NDST4: variants seen among roughly 807,000 people sequenced by gnomAD.
NDST4 encodes N-deacetylase and N-sulfotransferase 4.
A neutral mutation model predicts 100.8 loss-of-function variants in NDST4; 63 were observed. The ratio of observed to expected loss-of-function variants is 0.62; its 90% CI spans 0.51 to 0.77. The LOEUF (loss-of-function observed/expected upper bound fraction) is 0.77. Ranked by LOEUF, NDST4 falls within the 30% of genes least tolerant of loss-of-function variation. The pLI is 0.00. For synonymous variants in NDST4, 377 were observed against 361.8 expected (o/e 1.04, Z -0.48); for missense variants, 943 against 1,018.4 (o/e 0.93, Z 1.01).
At chr4:115,046,409 A>G (rs1033051036) in intron 2 of NDST4, among the ~76,000 whole-genome samples, 3 of 152,190 alleles carry the variant, frequency 2.0e-5, no homozygotes, top group African/African-American at 7.2e-5. Context: ...GCCTGTATTC[A>G]TGGCAGTCTT....
At chr4:115,093,266 GA>G (rs1729554199) in intron 1 of NDST4, among the ~76,000 whole-genome samples, 2 of 152,056 alleles carry the variant, frequency 1.3e-5, no homozygotes. Context: ...ATGAGGTCAG[GA>G]GATCGAGACT....
At chr4:115,075,092 T>C (rs1277384100) in intron 2 of NDST4, among the ~76,000 whole-genome samples, 1 of 152,136 alleles carries the variant, frequency 6.6e-6, no homozygotes, top group Admixed American at 6.6e-5. Context: ...ATTCAGTCAA[T>C]TGATCAAAAC....
intron 5 of NDST4, 135 bp downstream of exon 5, chr4:114,937,183 A>G (rs1284568561): frequency 2.2e-6 from 2 of 909,022 alleles, no homozygotes; most frequent in African/African-American, 1.6e-5. Context: ...ACCAGTCACC[A>G]TTGAGATATG....
chr4:115,081,701 C>T (rs61670835), intron 1 of NDST4, among the ~76,000 whole-genome samples: 4,202 of 152,206 alleles, frequency 0.028, 196 homozygotes, highest in African/African-American at 0.097. Context: ...TTTAAGTAGT[C>T]TAAGGTGATA....
At chr4:114,978,359 A>G (rs893362674) in intron 2 of NDST4, among the ~76,000 whole-genome samples, 4 of 151,996 alleles carry the variant, frequency 2.6e-5, no homozygotes, top group Non-Finnish European at 5.9e-5. Context: ...CAATGAAAGG[A>G]GTCTCCTGTA....
chr4:114,846,312 C>T (rs1043017889), intron 9 of NDST4, among the ~76,000 whole-genome samples: 1 of 152,090 alleles, frequency 6.6e-6, no homozygotes, highest in African/African-American at 2.4e-5. Flanking sequence ...TACTATTTGC[C>T]TGTGGCAAAT....
intron 2 of NDST4, among the ~76,000 whole-genome samples, chr4:115,042,279 A>G (rs538020926): frequency 1.1e-3 from 162 of 152,188 alleles, no homozygotes; most frequent in African/African-American, 3.9e-3. Context: ...TTTGGCCATC[A>G]ATGTCATCAG....
rs143203284 is a variant in NDST4, at chr4:114,894,511, C to A, written c.1537-23561G>T. ...ATTCTCTTTGTAGCAATTGTGAATG[C>A]GAGTTCATTCAAGATTTTGCTCTCT... On this transcript the variant is annotated intron_variant, in intron 6 of 13. Coordinates refer to ENST00000264363, the MANE Select transcript of NDST4 (RefSeq NM_022569.3). 1.1e-3 allele frequency among the ~76,000 whole-genome samples: 164 copies of A among 152,006 alleles called. 2 individuals carry two copies. Among genetic ancestry groups the A allele is most frequent in the African/African-American group, 3.6e-3 (151 of 41,500 alleles).
At chr4:114,892,524 T>A (rs942701825) in intron 6 of NDST4, among the ~76,000 whole-genome samples, 3 of 152,132 alleles carry the variant, frequency 2.0e-5, no homozygotes, top group Non-Finnish European at 4.4e-5. Context: ...CAAAGATGTC[T>A]TATTTCACAT....
At chr4:115,005,159 A>G (rs948702503) in intron 2 of NDST4, among the ~76,000 whole-genome samples, 2 of 152,200 alleles carry the variant, frequency 1.3e-5, no homozygotes, top group African/African-American at 4.8e-5. Context: ...TGTTTGCTAA[A>G]TATTTTTGAG....
rs185873845 is a variant in NDST4, at chr4:114,885,316, C to A, written c.1537-14366G>T. Among the ~76,000 whole-genome samples the A allele has an allele frequency of 2.9e-4, 44 of 152,200 alleles. 2 individuals are homozygous for A. The East Asian group carries it at 8.3e-3, about 29-fold the overall frequency. On this transcript the variant is annotated intron_variant, in intron 6 of 13. Coordinates refer to ENST00000264363, the MANE Select transcript of NDST4 (RefSeq NM_022569.3). ...GTCACATGCTGACAGTCTACCATTACAGATTATAGTCTGCTATTATAGATT... is the reference window on the plus strand; with the variant it reads ...GTCACATGCTGACAGTCTACCATTAAAGATTATAGTCTGCTATTATAGATT...
intron 6 of NDST4, among the ~76,000 whole-genome samples, chr4:114,921,620 A>T (rs140376732): frequency 3.9e-5 from 6 of 152,262 alleles, no homozygotes; most frequent in Admixed American, 1.3e-4. Context: ...TGTGTAAAAC[A>T]GTAAGAGAAC....
intron 6 of NDST4, among the ~76,000 whole-genome samples, chr4:114,929,093 C>CATCT (rs1725450241): frequency 9.2e-6 from 1 of 108,400 alleles, no homozygotes; most frequent in East Asian, 2.8e-4. Context: ...TCCATCCATC[C>CATCT]ATCCATCCAT....
At chr4:114,955,338 C>T (rs533999035) in intron 4 of NDST4, among the ~76,000 whole-genome samples, 9 of 152,102 alleles carry the variant, frequency 5.9e-5, no homozygotes, top group African/African-American at 1.9e-4. Context: ...ACTACAGGAA[C>T]GGAGGCACAC....
At chr4:114,840,757 T>C (rs1723407230) in intron 10 of NDST4, among the ~76,000 whole-genome samples, 1 of 152,182 alleles carries the variant, frequency 6.6e-6, no homozygotes, top group Non-Finnish European at 1.5e-5. Flanking sequence ...AATGTGGAAG[T>C]ATACTGGTCC....
intron 1 of NDST4, among the ~76,000 whole-genome samples, chr4:115,086,666 G>A (rs956291541): frequency 6.6e-6 from 1 of 151,974 alleles, no homozygotes; most frequent in Non-Finnish European, 1.5e-5. Flanking sequence ...GTAAATAGAA[G>A]AGTAAATGTC....
intron 4 of NDST4, among the ~76,000 whole-genome samples, chr4:114,943,770 T>G (rs1725802274): frequency 6.6e-6 from 1 of 152,218 alleles, no homozygotes; most frequent in African/African-American, 2.4e-5. Context: ...TGAGAGAGAC[T>G]TATTTTTCTG....
At chr4:114,969,238 C>T (rs1056077409) in intron 4 of NDST4, among the ~76,000 whole-genome samples, 31 of 147,522 alleles carry the variant, frequency 2.1e-4, no homozygotes, top group African/African-American at 7.8e-4. Flanking sequence ...GGCGTGAACC[C>T]GGGAGGCGGA....
intron 2 of NDST4, among the ~76,000 whole-genome samples, chr4:115,032,719 C>A (rs1728141462): frequency 6.6e-6 from 1 of 152,014 alleles, no homozygotes; most frequent in Non-Finnish European, 1.5e-5. Flanking sequence ...TGTCTTCTGA[C>A]CAAAGCTTAG....
Sources: gnomAD v4.1 joint callset for allele counts (sites outside exome capture counted in the v4.1 genomes callset) on GRCh38, gnomAD v4.1.1 for gene constraint, MANE v1.5 for transcripts, NCBI Gene and HGNC (gene_info 2026-07-23, HGNC 2026-07-21) for gene names.